Variants in TRPM7 observed in about 807,000 individuals in gnomAD.
TRPM7 encodes the protein LTRPC ion channel family member 7.
A neutral mutation model predicts 229.7 loss-of-function variants in TRPM7; 134 were observed. That is an observed-to-expected ratio of 0.58 (90% CI 0.51 to 0.67). The LOEUF (loss-of-function observed/expected upper bound fraction) is 0.67. Among genes scored for constraint, TRPM7 ranks in the 30% least tolerant of loss-of-function variants. The probability of loss-of-function intolerance (pLI) is 0.00; values close to 1 mark genes in which losing one functional copy is unlikely to be tolerated. For synonymous variants in TRPM7, 699 were observed against 715.2 expected (o/e 0.98, Z 0.36); for missense variants, 1,901 against 2,210.0 (o/e 0.86, Z 2.80).
At chr15:50,651,817 G>T (rs1213352458) in intron 3 of TRPM7, among the ~76,000 whole-genome samples, 4 of 152,058 alleles carry the variant, frequency 2.6e-5, no homozygotes, top group Non-Finnish European at 5.9e-5. Flanking sequence ...AACCCAGGAG[G>T]TGGGGGTTGC....
intron 1 of TRPM7, among the ~76,000 whole-genome samples, chr15:50,667,505 G>C (rs1245877200): frequency 3.9e-5 from 6 of 152,152 alleles, no homozygotes; most frequent in Non-Finnish European, 1.5e-5. Flanking sequence ...CAGGAGTTTT[G>C]AGACCAGCCT....
At chr15:50,679,293 T>C (rs28501374) in intron 1 of TRPM7, among the ~76,000 whole-genome samples, 148,303 of 149,360 alleles carry the variant, frequency 0.99, 73,640 homozygotes, top group Middle Eastern at 1. Context: ...CATGATGATG[T>C]CACTGCACTC....
chr15:50,653,599 C>T, intron 3 of TRPM7, among the ~76,000 whole-genome samples: 1 of 152,114 alleles, frequency 6.6e-6, no homozygotes, highest in East Asian at 1.9e-4. Context: ...CATGACTGCA[C>T]CAGCTTGGGG....
chr15:50,674,321 G>A (rs1470917183), intron 1 of TRPM7, among the ~76,000 whole-genome samples: 2 of 151,994 alleles, frequency 1.3e-5, no homozygotes, highest in African/African-American at 4.8e-5. Flanking sequence ...TAGTAGAGAT[G>A]AGGTTTCACC....
At chr15:50,651,207 A>G (rs1470352654) in intron 3 of TRPM7, among the ~76,000 whole-genome samples, 41 of 151,994 alleles carry the variant, frequency 2.7e-4, no homozygotes, top group Admixed American at 2.6e-3. Context: ...ATAAATAAAA[A>G]TTTCAAAGAA....
At chr15:50,611,489 G>T (rs1596188547) in intron 16 of TRPM7, among the ~76,000 whole-genome samples, 168 bp from the exon 17 acceptor site, 2 of 152,266 alleles carry the variant, frequency 1.3e-5, no homozygotes. Flanking sequence ...CATCTATGTG[G>T]AAATCACAAA....
At chr15:50,619,145 AGTC>A (rs1255523231) in intron 13 of TRPM7, among the ~76,000 whole-genome samples, 1 of 152,078 alleles carries the variant, frequency 6.6e-6, no homozygotes, top group African/African-American at 2.4e-5. Flanking sequence ...TTCTATCAAC[AGTC>A]TTTCTTTTAT....
chr15:50,600,330 A>C lies in TRPM7; in HGVS notation c.2989-1034T>G, dbSNP rs189070183. Among the ~76,000 whole-genome samples, 3 of 152,030 alleles carry C rather than the reference A, an allele frequency of 2.0e-5. No homozygotes were observed. The East Asian group carries it at 5.8e-4, about 29-fold the overall frequency. On this transcript the variant is annotated intron_variant, in intron 21 of 38. Transcript: ENST00000646667. The stretch of plus-strand genomic sequence containing the variant: ...CACACTCCTGTAATCCCAGCTACTC[A>C]AGAGGCTGAGGCAGGAGAATCACTT...
intron 38 of TRPM7, among the ~76,000 whole-genome samples, chr15:50,563,828 G>A (rs945435678): frequency 2.6e-5 from 4 of 152,036 alleles, no homozygotes; most frequent in African/African-American, 7.2e-5. Flanking sequence ...ATCAGCTATG[G>A]TAGTGACAGT....
intron 21 of TRPM7, among the ~76,000 whole-genome samples, chr15:50,600,916 C>T (rs575674874): frequency 3.9e-5 from 6 of 152,230 alleles, no homozygotes; most frequent in East Asian, 3.9e-4. Context: ...AGGCCTAACA[C>T]GCTCCAAAAT....
intron 8 of TRPM7, 83 bp from the exon 9 acceptor site, chr15:50,633,075 A>T (rs2060785523): frequency 7.9e-7 from 1 of 1,265,470 alleles, no homozygotes. Context: ...GATCCATGTA[A>T]GACCTTTGAA....
At chr15:50,658,653 T>A (rs980576364) in intron 2 of TRPM7, among the ~76,000 whole-genome samples, 15 of 151,440 alleles carry the variant, frequency 9.9e-5, no homozygotes, top group Admixed American at 6.6e-4. Context: ...ATTTATATAA[T>A]CCCTATGGAA....
intron 1 of TRPM7, among the ~76,000 whole-genome samples, chr15:50,664,809 C>G (rs1405106440): frequency 1.3e-5 from 2 of 151,918 alleles, no homozygotes; most frequent in East Asian, 3.9e-4. Flanking sequence ...AAAAATTAAA[C>G]AGTCAGCCGG....
At chr15:50,625,980 CTCTAACAGTAATAT>C (rs2060547459) in intron 11 of TRPM7, among the ~76,000 whole-genome samples, 1 of 152,088 alleles carries the variant, frequency 6.6e-6, no homozygotes, top group South Asian at 2.1e-4. Flanking sequence ...TTATTACTTA[CTCTAACAGTAATAT>C]TCTAACATTA....
At chr15:50,590,341 T>C (rs1269265547) in intron 26 of TRPM7, among the ~76,000 whole-genome samples, 1 of 152,186 alleles carries the variant, frequency 6.6e-6, no homozygotes, top group African/African-American at 2.4e-5. Context: ...TTTATTCTTA[T>C]GCCTATAACT....
At chr15:50,589,534 A>G (rs1393134529) in intron 27 of TRPM7, 58 bp downstream of exon 27, 3 of 1,218,862 alleles carry the variant, frequency 2.5e-6, no homozygotes, top group Admixed American at 4.5e-5. Context: ...ATTTTGAACT[A>G]AACATCAAGA....
Position 50,588,207 on chromosome 15 carries a change from T to G in TRPM7, c.4389+1385A>C, listed in dbSNP as rs2140339429. On this transcript the variant is annotated intron_variant, in intron 27 of 38. Coordinates refer to ENST00000646667, the MANE Select transcript of TRPM7 (RefSeq NM_017672.6). The stretch of plus-strand genomic sequence containing the variant: ...AGACTTTACCTCATATTTAGGCATC[T>G]CTGTATACTCCATAATCACATTTCT... The G allele has an allele frequency of 4.1e-6, 4 of 984,794 alleles. No individual in the cohort carries two copies. In the South Asian group the frequency reaches 1.4e-4, roughly 35 times the overall value. 61.0% of individuals were successfully genotyped at this position (984,794 alleles called of 1,614,324 possible).
intron 16 of TRPM7, among the ~76,000 whole-genome samples, chr15:50,611,700 G>A (rs1025377549): frequency 1.2e-4 from 18 of 152,136 alleles, no homozygotes; most frequent in African/African-American, 4.1e-4. Context: ...TGTGACTAGG[G>A]ACTAACCTAA....
At position 50,607,181 on chromosome 15, in the gene TRPM7, A is replaced by G. The variant is rs2059939539; in HGVS notation, c.2709+19T>C. Reference sequence around the variant, plus strand: ...CATGTATACAGTAAATTATTGGTAGAAAAAAACTAAAGACATACCTCACGG... The same window carrying G: ...CATGTATACAGTAAATTATTGGTAGGAAAAAACTAAAGACATACCTCACGG... On this transcript the variant is annotated intron_variant, in intron 20 of 38. Coordinates refer to ENST00000646667, the MANE Select transcript of TRPM7 (RefSeq NM_017672.6). 2 of 1,591,006 alleles carry G rather than the reference A, an allele frequency of 1.3e-6. No homozygotes were observed.
Sources: allele counts gnomAD v4.1 joint callset (sites outside exome capture counted in the v4.1 genomes callset), GRCh38; gene constraint gnomAD v4.1.1; transcripts MANE v1.5; gene names NCBI Gene and HGNC (gene_info 2026-07-23, HGNC 2026-07-21).